GABRA1: variants seen among roughly 807,000 people sequenced by gnomAD.
GABRA1 encodes gamma-aminobutyric acid type A receptor subunit alpha1, also known as gamma-aminobutyric acid receptor subunit alpha-1.
A neutral mutation model predicts 48.9 loss-of-function variants in GABRA1; 9 were observed. That is an observed-to-expected ratio of 0.18 (90% CI 0.11 to 0.32). The LOEUF (loss-of-function observed/expected upper bound fraction) is 0.32, where lower values mean the gene tolerates loss of function less well. Among genes scored for constraint, GABRA1 ranks in the 10% least tolerant of loss-of-function variants. The probability of loss-of-function intolerance (pLI) is 1.00; values close to 1 mark genes in which losing one functional copy is unlikely to be tolerated. For synonymous variants in GABRA1, 210 were observed against 198.7 expected, an observed-to-expected ratio of 1.06 and a Z score of -0.48; for missense variants, 285 against 553.8, an observed-to-expected ratio of 0.51 and a Z score of 4.87.
At chr5:161,851,103 G>A (rs911603199) in intron 2 of GABRA1, among the ~76,000 whole-genome samples, 1 of 152,132 alleles carries the variant, frequency 6.6e-6, no homozygotes, top group African/African-American at 2.4e-5. Context: ...GTTAAGACAT[G>A]TATTAATTCA....
chr5:161,861,542 T>A (rs1757860333), intron 3 of GABRA1, among the ~76,000 whole-genome samples: 1 of 151,816 alleles, frequency 6.6e-6, no homozygotes. Context: ...CACTGAAGAA[T>A]CAGGGACTGG....
At position 161,891,029 on chromosome 5, in the gene GABRA1, G is replaced by A. The variant is rs1429197938; in HGVS notation, c.835G>A (p.Val279Ile). The A allele has an allele frequency of 5.0e-6, 8 of 1,613,776 alleles. No individual in the cohort carries two copies. Among genetic ancestry groups the A allele is most frequent in the Non-Finnish European group, 6.8e-6 (8 of 1,179,784 alleles). The change falls in exon 8 of 10, where the codon GTA (valine) becomes ATA (isoleucine). Residue 279 changes from valine to isoleucine, a missense_variant. This residue lies in a region of GABRA1 where 14 missense variants were observed against 113.8 expected (regional missense o/e 0.12). Transcript: ENST00000393943. ...QVSFWLNRES[V>I]PARTVFGVTT... ...CTCCTTCTGGCTCAACAGAGAGTCTGTACCAGCAAGAACTGTCTTTGGTAA... is the reference window on the plus strand; with the variant it reads ...CTCCTTCTGGCTCAACAGAGAGTCTATACCAGCAAGAACTGTCTTTGGTAA...
chr5:161,890,445 A>C (rs948996236), intron 7 of GABRA1, among the ~76,000 whole-genome samples: 1 of 152,056 alleles, frequency 6.6e-6, no homozygotes, highest in African/African-American at 2.4e-5. Context: ...TTGGAGCTAA[A>C]ATTAAACTGT....
At chr5:161,888,773 A>C (rs550073155) in intron 7 of GABRA1, among the ~76,000 whole-genome samples, 1 of 152,136 alleles carries the variant, frequency 6.6e-6, no homozygotes, top group South Asian at 2.1e-4. Context: ...TCTTCTTTTC[A>C]AATGACCTTA....
chr5:161,893,168 C>T (rs1755198289), intron 8 of GABRA1, among the ~76,000 whole-genome samples: 1 of 151,846 alleles, frequency 6.6e-6, no homozygotes, highest in Non-Finnish European at 1.5e-5. Context: ...GAATTCTACT[C>T]TTTTGATTTG....
At chr5:161,870,610 GAAGAAAGAAAGACAGACAGACAGAAAGA>G (rs1754069723) in intron 4 of GABRA1, among the ~76,000 whole-genome samples, 1 of 129,408 alleles carries the variant, frequency 7.7e-6, no homozygotes. Context: ...AGAAAGAAAG[GAAGAAAGAAAGACAGACAGACAGAAAGA>G]AAGAAAGAAA....
chr5:161,855,275 C>T (rs1290094727), intron 3 of GABRA1, among the ~76,000 whole-genome samples: 2 of 151,548 alleles, frequency 1.3e-5, no homozygotes, highest in Non-Finnish European at 3.0e-5. Flanking sequence ...TAAATGGTTG[C>T]ATGGATTTAC....
At position 161,899,726 on chromosome 5, in the gene GABRA1, T is replaced by A. The variant is rs1279953266; in HGVS notation, c.*2304T>A. Reference sequence around the variant, plus strand: ...GTTAAGTCTTCCTTGAAAATAAAGATACACTCTTATAGGGGACAGTTCCTG... The same window carrying A: ...GTTAAGTCTTCCTTGAAAATAAAGAAACACTCTTATAGGGGACAGTTCCTG... On this transcript the variant is annotated 3_prime_UTR_variant, in exon 10 of 10. Coordinates refer to ENST00000393943, the MANE Select transcript of GABRA1 (RefSeq NM_001127644.2). The A allele has an allele frequency of 6.6e-6, 1 of 152,168 alleles. No individual in the cohort carries two copies. The highest frequency in any genetic ancestry group is 2.4e-5 in the African/African-American group (1 of 41,454). The allele number at this position is 152,168 out of a possible 1,614,324, so 9.4% of individuals were successfully genotyped here. A position where few individuals can be genotyped will look rare whatever the true frequency, so the allele number is the denominator to read the frequency against.
rs1015335256 is a variant in GABRA1 at position 161,848,333 on chromosome 5, C to A, written c.-105C>A. On this transcript the variant is annotated 5_prime_UTR_variant, in exon 1 of 10. Coordinates refer to ENST00000393943, the MANE Select transcript of GABRA1 (RefSeq NM_001127644.2). ...TCTGGCGCGCCCGGACTCGGACTCGCAGACTCGCGCTGGCTCCAGTCTCTC... is the reference window on the plus strand; with the variant it reads ...TCTGGCGCGCCCGGACTCGGACTCGAAGACTCGCGCTGGCTCCAGTCTCTC... The A allele has an allele frequency of 6.6e-5, 10 of 152,342 alleles. No individual in the cohort carries two copies. Among genetic ancestry groups the A allele is most frequent in the African/African-American group, 2.4e-4 (10 of 41,246 alleles). 9.4% of individuals were successfully genotyped at this position (152,342 alleles called of 1,614,324 possible).
At chr5:161,879,017 C>G (rs1754491067) in intron 6 of GABRA1, among the ~76,000 whole-genome samples, 1 of 152,202 alleles carries the variant, frequency 6.6e-6, no homozygotes, top group Admixed American at 6.5e-5. Flanking sequence ...CAATTAGCAA[C>G]TCTCCTGATA....
In GABRA1 at chr5:161,898,771, A is replaced by G. The variant is rs534737930; in HGVS notation, c.*1349A>G. The stretch of plus-strand genomic sequence containing the variant: ...TAGTTGGAGCTAGAAAATGAACTGT[A>G]TATTATTGCTATATTTGCTAATACC... On this transcript the variant is annotated 3_prime_UTR_variant, in exon 10 of 10. Transcript: ENST00000393943. 8.5e-5 allele frequency: 13 copies of G among 152,594 alleles called. No homozygotes were observed. The highest frequency in any genetic ancestry group is 3.1e-4 in the African/African-American group (13 of 41,460). The allele number at this position is 152,594 out of a possible 1,614,324, so 9.5% of individuals were successfully genotyped here. A position where few individuals can be genotyped will look rare whatever the true frequency, so the allele number is the denominator to read the frequency against.
chr5:161,895,652 T>C lies in GABRA1; in HGVS notation c.857-14T>C. 2 of 1,611,280 alleles carry C rather than the reference T, an allele frequency of 1.2e-6. No individual in the cohort carries two copies. The highest frequency in any genetic ancestry group is 2.2e-5 in the East Asian group (1 of 44,830). On this transcript the variant is annotated splice_polypyrimidine_tract_variant and intron_variant, in intron 8 of 9. Transcript: ENST00000393943. ...ATGAACTGGCATCATGTATGTTTTT[T>C]TTTTTCTTTACAGGAGTAACAACTG... is the stretch of plus-strand genomic sequence containing the variant.
chr5:161,860,953 G>T (rs1326273375), intron 3 of GABRA1, among the ~76,000 whole-genome samples: 1 of 151,708 alleles, frequency 6.6e-6, no homozygotes, highest in Non-Finnish European at 1.5e-5. Flanking sequence ...ACAAAATGTT[G>T]TCTATAGATC....
chr5:161,882,630 A>C lies in GABRA1; in HGVS notation c.632A>C (p.Asp211Ala), dbSNP rs1341650710. ...GCACGCTCAGTGGTTGTAGCAGAAG[A>C]TGGATCACGTCTAAACCAGTATGAC... ...EPARSVVVAE[D>A]GSRLNQYDLL... Residue 211 changes from aspartate (D) to alanine (A), a missense_variant, in exon 7 of 10, where the codon GAT becomes GCT. This residue lies in a region of GABRA1 where 105 missense variants were observed against 267.4 expected (regional missense o/e 0.39). Transcript: ENST00000393943. 6.2e-7 allele frequency: 1 copy of C among 1,613,696 alleles called. No homozygotes were observed. Among genetic ancestry groups the C allele is most frequent in the Non-Finnish European group, 8.5e-7 (1 of 1,179,750 alleles).
intron 8 of GABRA1, among the ~76,000 whole-genome samples, chr5:161,893,799 C>T (rs1247876512): frequency 2.0e-5 from 3 of 152,198 alleles, no homozygotes; most frequent in Non-Finnish European, 4.4e-5. Context: ...TAAAGTAATG[C>T]TGTTTTTTAA....
intron 6 of GABRA1, among the ~76,000 whole-genome samples, chr5:161,875,969 A>G (rs1754332974): frequency 6.6e-6 from 1 of 152,256 alleles, no homozygotes; most frequent in African/African-American, 2.4e-5. Flanking sequence ...CAATTAATGG[A>G]GATCATTGTG....
chr5:161,852,214 C>G (rs1757472069), intron 2 of GABRA1, among the ~76,000 whole-genome samples: 2 of 151,810 alleles, frequency 1.3e-5, no homozygotes, highest in Non-Finnish European at 2.9e-5. Flanking sequence ...CATTCCAATG[C>G]AAACAATTGG....
chr5:161,881,735 A>C (rs1754621130), intron 6 of GABRA1: 2 of 152,092 alleles, frequency 1.3e-5, no homozygotes, highest in Admixed American at 6.6e-5. Flanking sequence ...ACTCTAGTCA[A>C]ACTGGTCTTC....
chr5:161,893,511 A>C (rs898919204), intron 8 of GABRA1, among the ~76,000 whole-genome samples: 1 of 152,070 alleles, frequency 6.6e-6, no homozygotes, highest in African/African-American at 2.4e-5. Flanking sequence ...AGAAAAAAAC[A>C]AAAGAACCAA....
Sources: allele counts gnomAD v4.1 joint callset (sites outside exome capture counted in the v4.1 genomes callset), GRCh38; gene constraint gnomAD v4.1.1; regional missense constraint gnomAD v4.1.1; transcripts MANE v1.5; gene names NCBI Gene and HGNC (gene_info 2026-07-23, HGNC 2026-07-21).